Variants in ZNF3 observed in about 807,000 individuals in gnomAD.
ZNF3 encodes zinc finger protein 3.
A neutral mutation model predicts 36.9 loss-of-function variants in ZNF3; 16 were observed. That is an observed-to-expected ratio of 0.43 (90% CI 0.29 to 0.66). The LOEUF (loss-of-function observed/expected upper bound fraction) is 0.66, where lower values mean the gene tolerates loss of function less well. Ranked by LOEUF, ZNF3 falls within the 30% of genes least tolerant of loss-of-function variation. The probability of loss-of-function intolerance (pLI) is 0.13; values close to 1 mark genes in which losing one functional copy is unlikely to be tolerated. For synonymous variants in ZNF3, 201 were observed against 201.9 expected (o/e 1.00, Z 0.04); for missense variants, 462 against 543.1 (o/e 0.85, Z 1.48).
chr7:100,064,696 G>A, exon 6 of ZNF3: 1 of 1,606,614 alleles, frequency 6.2e-7, no homozygotes, highest in Non-Finnish European at 8.5e-7. Context: ...CATTGCAGCA[G>A]CATCGATTCC....
upstream of ZNF3, among the ~76,000 whole-genome samples, chr7:100,081,926 C>A (rs1229131492): frequency 6.6e-6 from 1 of 152,158 alleles, no homozygotes; most frequent in Non-Finnish European, 1.5e-5. This position sits in a 1 kb window ranked among gnomAD's most constrained non-coding sequence, Gnocchi z 4.3. Context: ...GCTGCGGGGG[C>A]TGGCCGGCTG....
intron 1 of ZNF3, among the ~76,000 whole-genome samples, chr7:100,079,895 G>A (rs969246809): frequency 1.3e-5 from 2 of 151,952 alleles, no homozygotes; most frequent in African/African-American, 2.4e-5. Flanking sequence ...TAGAAATGCA[G>A]CCTCACTGTG....
At position 100,071,942 on chromosome 7, in the gene ZNF3, A is replaced by T; in HGVS notation, c.542T>A (p.Phe181Tyr). 6.2e-7 allele frequency: 1 copy of T among 1,614,212 alleles called. No individual in the cohort carries two copies. The highest frequency in any genetic ancestry group is 8.5e-7 in the Non-Finnish European group (1 of 1,180,022). The change falls in exon 6 of 6, where the codon TTC becomes TAC. Residue 181 changes from phenylalanine to tyrosine, a missense_variant. Coordinates refer to ENST00000299667, the MANE Select transcript of ZNF3 (RefSeq NM_032924.5). ...TGAGATAAGGTTGGAATTCACAGTGAAGCTGTTCCCAAAATCATTATATTT... is the reference window on the plus strand; with the variant it reads ...TGAGATAAGGTTGGAATTCACAGTGTAGCTGTTCCCAAAATCATTATATTT... ...SEKYNDFGNS[F>Y]TVNSNLISHQ...
chr7:100,079,355 C>T (rs1225457192), intron 2 of ZNF3, among the ~76,000 whole-genome samples, 181 bp downstream of exon 2: 1 of 152,156 alleles, frequency 6.6e-6, no homozygotes, highest in African/African-American at 2.4e-5. Context: ...AGAACAAGCA[C>T]CCAGTGTCCA....
chr7:100,076,769 G>A (rs564095751), intron 3 of ZNF3, among the ~76,000 whole-genome samples: 13 of 152,242 alleles, frequency 8.5e-5, no homozygotes, highest in African/African-American at 2.2e-4. Context: ...TTAATCTCGC[G>A]TGAGGTACTC....
downstream of ZNF3, among the ~76,000 whole-genome samples, chr7:100,066,872 T>TA (rs762473850): frequency 1.3e-5 from 2 of 150,052 alleles, no homozygotes; most frequent in Non-Finnish European, 3.0e-5. Context: ...CTGTCTCTAC[T>TA]AAAAATGCAA....
At chr7:100,078,176 C>T (rs1241949354) in intron 2 of ZNF3, among the ~76,000 whole-genome samples, 2 of 151,996 alleles carry the variant, frequency 1.3e-5, no homozygotes, top group African/African-American at 2.4e-5. Context: ...AATGCAGGAG[C>T]GGGTATATAC....
chr7:100,064,688 T>C (rs775018250), exon 6 of ZNF3: 2 of 1,606,022 alleles, frequency 1.2e-6, no homozygotes, highest in Admixed American at 3.4e-5. Flanking sequence ...AGTCTTGTCA[T>C]TGCAGCAGCA....
rs937626380 is a variant in ZNF3, at chr7:100,081,013, T to C, written c.-198+622A>G. 6.6e-6 allele frequency among the ~76,000 whole-genome samples: 1 copy of C among 152,068 alleles called. No homozygotes were observed. The highest frequency in any genetic ancestry group is 6.6e-5 in the Admixed American group (1 of 15,256). ...TGGAGTTTACAAAAGCCCTTCAGAGTGTAAACACCGATGTGGATTCAATCC... is the reference window on the plus strand; with the variant it reads ...TGGAGTTTACAAAAGCCCTTCAGAGCGTAAACACCGATGTGGATTCAATCC... On this transcript the variant is annotated intron_variant, in intron 1 of 5. Transcript: ENST00000299667. This position sits in a 1 kb window ranked among gnomAD's most constrained non-coding sequence, Gnocchi z 4.3.
At chr7:100,069,153 G>C (rs1296125982), downstream of ZNF3, among the ~76,000 whole-genome samples, 1 of 151,064 alleles carries the variant, frequency 6.6e-6, no homozygotes, top group Non-Finnish European at 1.5e-5. Context: ...TAATTTTGTT[G>C]TAGAGATAGG....
intron 2 of ZNF3, among the ~76,000 whole-genome samples, chr7:100,078,232 C>G (rs1279502118): frequency 6.6e-6 from 1 of 151,992 alleles, no homozygotes. Context: ...CACGGTGGCT[C>G]ATGCCTGTAA....
rs768923008 is a variant in ZNF3, at chr7:100,075,574, A to G, written c.112T>C (p.Leu38=). ...TTGGCCTTTAGGAGCGCAGCCGCCA[A>G]CATCTCATCCCCCAGGCTGTCCTTG... ...SDKDSLGDEM[L]AAALLKAKSQ... is the part of the protein sequence containing the mutation. The change falls in exon 4 of 6, where the codon TTG becomes CTG. Residue 38 remains leucine, a synonymous_variant. Transcript: ENST00000299667. 1.9e-6 allele frequency: 3 copies of G among 1,614,032 alleles called. No individual in the cohort carries two copies. Among genetic ancestry groups the G allele is most frequent in the African/African-American group, 2.7e-5 (2 of 74,918 alleles).
chr7:100,080,862 C>T (rs903531632), intron 1 of ZNF3, among the ~76,000 whole-genome samples: 3 of 152,338 alleles, frequency 2.0e-5, no homozygotes, highest in African/African-American at 2.4e-5. Flanking sequence ...TTCCACCCGA[C>T]TGTCCATCAA....
chr7:100,075,004 C>T lies in ZNF3; in HGVS notation c.271+131G>A, dbSNP rs181059102. 25 of 1,182,286 alleles carry T rather than the reference C, an allele frequency of 2.1e-5. No individual in the cohort carries two copies. In the East Asian group the frequency reaches 5.5e-4, roughly 26 times the overall value. The allele number at this position is 1,182,286 out of a possible 1,614,324, so 73.2% of individuals were successfully genotyped here. On this transcript the variant is annotated intron_variant, in intron 5 of 5. Coordinates refer to ENST00000299667, the MANE Select transcript of ZNF3 (RefSeq NM_032924.5). The stretch of plus-strand genomic sequence containing the variant: ...TCTGGGAGATGGATGTTGCACTGAG[C>T]AAAGATTGTGCCATTGCACCTCAAA...
chr7:100,079,704 G>T (rs1055286642), intron 1 of ZNF3, 48 bp from the exon 2 acceptor site: 4 of 152,034 alleles, frequency 2.6e-5, no homozygotes, highest in Admixed American at 2.6e-4. Flanking sequence ...TCATGCAAAC[G>T]TCTTTTTTTT....
chr7:100,073,334 T>C (rs897580390), intron 5 of ZNF3, among the ~76,000 whole-genome samples: 1 of 152,094 alleles, frequency 6.6e-6, no homozygotes, highest in Non-Finnish European at 1.5e-5. Flanking sequence ...GAGAAACTAA[T>C]TTATTAATCT....
chr7:100,077,552 G>A, intron 2 of ZNF3, 119 bp from the exon 3 acceptor site: 1 of 888,218 alleles, frequency 1.1e-6, no homozygotes. Flanking sequence ...GTGGCAACTG[G>A]GACTAGTCTT....
chr7:100,070,483 T>TG lies in ZNF3; in HGVS notation c.*659dup, dbSNP rs936793838. On this transcript the variant is annotated 3_prime_UTR_variant, in exon 6 of 6. Transcript: ENST00000299667. ...TTTGCCCATTCAGCCCCAGGACAAC[T>TG]GGGGGGGATGGCAGGGGGTCTGCTG... 9 of 985,424 alleles carry TG rather than the reference T, an allele frequency of 9.1e-6. No individual in the cohort carries two copies. Among genetic ancestry groups the TG allele is most frequent in the South Asian group, 9.4e-5 (2 of 21,284 alleles). 61.0% of individuals were successfully genotyped at this position (985,424 alleles called of 1,614,324 possible). A position where few individuals can be genotyped will look rare whatever the true frequency, so the allele number is the denominator to read the frequency against.
exon 6 of ZNF3, chr7:100,064,354 C>A (rs149041845): frequency 3.1e-6 from 5 of 1,614,104 alleles, no homozygotes; most frequent in Non-Finnish European, 4.2e-6. Context: ...TGGGGAGAAG[C>A]CTTATCAGTG....
Sources: gnomAD v4.1 joint callset for allele counts (sites outside exome capture counted in the v4.1 genomes callset) on GRCh38, gnomAD v4.1.1 for gene constraint, Gnocchi (gnomAD v3.1) non-coding constraint, MANE v1.5 for transcripts, NCBI Gene and HGNC (gene_info 2026-07-23, HGNC 2026-07-21) for gene names.